SCAPER: variants seen among roughly 807,000 people sequenced by gnomAD.
The protein encoded by SCAPER is S phase cyclin A-associated protein in the endoplasmic reticulum.
A neutral mutation model predicts 182.2 loss-of-function variants in SCAPER; 98 were observed. The observed-to-expected ratio is 0.54, with a 90% CI of 0.46 to 0.64. SCAPER has a LOEUF of 0.64. Among genes scored for constraint, SCAPER ranks in the 30% least tolerant of loss-of-function variants. The pLI is 0.00. For synonymous variants in SCAPER, 605 were observed against 564.6 expected, an observed-to-expected ratio of 1.07 and a Z score of -1.01; for missense variants, 1,432 against 1,690.0, an observed-to-expected ratio of 0.85 and a Z score of 2.68.
intron 24 of SCAPER, among the ~76,000 whole-genome samples, chr15:76,481,242 A>G (rs886117899): frequency 7.9e-5 from 12 of 152,366 alleles, no homozygotes; most frequent in African/African-American, 2.6e-4. Context: ...GATTGTGGCT[A>G]AATTGCTTTA....
At chr15:76,460,087 AT>A (rs571769499) in intron 25 of SCAPER, among the ~76,000 whole-genome samples, 1 of 151,244 alleles carries the variant, frequency 6.6e-6, no homozygotes, top group African/African-American at 2.4e-5. Context: ...GTAATATATG[AT>A]TTTTTTTCTG....
chr15:76,692,871 A>G (rs1241824691), intron 20 of SCAPER, among the ~76,000 whole-genome samples: 1 of 152,054 alleles, frequency 6.6e-6, no homozygotes, highest in Non-Finnish European at 1.5e-5. Flanking sequence ...ATAAAACCAA[A>G]ATTCAAATTT....
At chr15:76,798,087 C>G (rs1281733909) in intron 7 of SCAPER, among the ~76,000 whole-genome samples, 3 of 152,114 alleles carry the variant, frequency 2.0e-5, no homozygotes, top group African/African-American at 7.2e-5. Context: ...TGGCCAGGCA[C>G]AGTAGCTTGT....
At chr15:76,456,165 G>C (rs758693127) in intron 25 of SCAPER, among the ~76,000 whole-genome samples, 1 of 152,124 alleles carries the variant, frequency 6.6e-6, no homozygotes, top group African/African-American at 2.4e-5. Context: ...AATGATTTAT[G>C]ATCCTTGGGT....
At chr15:76,397,851 A>T (rs2044190024) in intron 27 of SCAPER, among the ~76,000 whole-genome samples, 1 of 152,100 alleles carries the variant, frequency 6.6e-6, no homozygotes, top group Admixed American at 6.6e-5. Context: ...TTCATGTTTG[A>T]ATCTTGGTAG....
intron 22 of SCAPER, among the ~76,000 whole-genome samples, chr15:76,616,810 C>CGT (rs1159956273): frequency 6.6e-6 from 1 of 152,098 alleles, no homozygotes; most frequent in African/African-American, 2.4e-5. Flanking sequence ...TTTTGGGCCT[C>CGT]TATCATTTTA....
intron 26 of SCAPER, 99 bp downstream of exon 26, chr15:76,433,979 T>G (rs16968215): frequency 0.072 from 68,147 of 946,734 alleles, 2,741 homozygotes; most frequent in Middle Eastern, 0.12. Flanking sequence ...GTGAATGGCA[T>G]TGTGAGAACC....
chr15:76,881,324 G>A (rs542088268), intron 2 of SCAPER, among the ~76,000 whole-genome samples: 1 of 152,198 alleles, frequency 6.6e-6, no homozygotes, highest in Non-Finnish European at 1.5e-5. Flanking sequence ...TCAAACTCCT[G>A]ACCTCAAGTG....
intron 22 of SCAPER, among the ~76,000 whole-genome samples, chr15:76,610,614 C>A (rs1483284643): frequency 6.6e-6 from 1 of 152,052 alleles, no homozygotes; most frequent in African/African-American, 2.4e-5. Flanking sequence ...ATACAAAAGT[C>A]ACTAAGATTT....
chr15:76,745,899 T>C (rs1176229475), intron 15 of SCAPER, among the ~76,000 whole-genome samples: 2 of 152,194 alleles, frequency 1.3e-5, no homozygotes, highest in Non-Finnish European at 2.9e-5. Flanking sequence ...TGATCATCAA[T>C]AATCTACCTT....
intron 21 of SCAPER, among the ~76,000 whole-genome samples, chr15:76,659,432 GCTAA>G (rs946799815): frequency 5.3e-5 from 8 of 152,240 alleles, no homozygotes; most frequent in African/African-American, 1.9e-4. Flanking sequence ...ACTATGCACT[GCTAA>G]CTTTTTCATT....
chr15:76,402,113 T>G (rs1341193035), intron 27 of SCAPER, among the ~76,000 whole-genome samples: 1 of 151,718 alleles, frequency 6.6e-6, no homozygotes, highest in African/African-American at 2.4e-5. Flanking sequence ...GGCGACAGAG[T>G]GAGTAAGATT....
chr15:76,900,104 G>A lies in SCAPER; in HGVS notation c.-60+5195C>T, dbSNP rs1158167686. Reference sequence around the variant, plus strand: ...CAGGGTTAAATGGATTAAGGGCGGCGCAAGATGTGCTTTGTTAAACAGATG... The same window carrying A: ...CAGGGTTAAATGGATTAAGGGCGGCACAAGATGTGCTTTGTTAAACAGATG... On this transcript the variant is annotated intron_variant, in intron 1 of 31. Transcript: ENST00000563290. Among the ~76,000 whole-genome samples, 11 of 152,224 alleles carry A rather than the reference G, an allele frequency of 7.2e-5. No homozygotes were observed. In the South Asian group the frequency reaches 1.7e-3, roughly 23 times the overall value.
At chr15:76,577,000 C>G (rs1401963529) in intron 22 of SCAPER, 1 of 152,180 alleles carries the variant, frequency 6.6e-6, no homozygotes, top group African/African-American at 2.4e-5. Flanking sequence ...TTGTGCTGGG[C>G]TCGGAGCCAG....
chr15:76,455,886 C>T (rs1385441089), intron 25 of SCAPER, among the ~76,000 whole-genome samples: 1 of 152,148 alleles, frequency 6.6e-6, no homozygotes, highest in African/African-American at 2.4e-5. Flanking sequence ...CATGTAATCT[C>T]ATTGTTCAAC....
At chr15:76,515,717 G>A (rs182545353) in intron 23 of SCAPER, among the ~76,000 whole-genome samples, 3 of 152,106 alleles carry the variant, frequency 2.0e-5, no homozygotes, top group African/African-American at 4.8e-5. Context: ...TATAGTATCT[G>A]TTTACTTCAT....
At chr15:76,591,488 G>T (rs1382863504) in intron 22 of SCAPER, among the ~76,000 whole-genome samples, 1 of 152,114 alleles carries the variant, frequency 6.6e-6, no homozygotes, top group African/African-American at 2.4e-5. Context: ...TTGAGACAGG[G>T]TCTCGCTCTG....
At position 76,371,928 on chromosome 15, in the gene SCAPER, AT is replaced by A. The variant is rs200922803; in HGVS notation, c.3855+4233del. Among the ~76,000 whole-genome samples the A allele has an allele frequency of 1.7e-4, 26 of 151,876 alleles. No individual in the cohort carries two copies. The East Asian group carries it at 1.8e-3, about 10-fold the overall frequency. ...AGCGAAACTCTGTCTCAAAAAAAAA[AT>A]AAATAAATATTATGCTTAGAAATAT... On this transcript the variant is annotated intron_variant, in intron 29 of 31. Transcript: ENST00000563290.
intron 15 of SCAPER, among the ~76,000 whole-genome samples, chr15:76,752,114 A>G (rs983515316): frequency 1.3e-5 from 2 of 151,912 alleles, no homozygotes; most frequent in Non-Finnish European, 3.0e-5. Context: ...CAAATGGCCA[A>G]TAAGCACATG....
Sources: gnomAD v4.1 joint callset for allele counts (sites outside exome capture counted in the v4.1 genomes callset) on GRCh38, gnomAD v4.1.1 for gene constraint, MANE v1.5 for transcripts, NCBI Gene and HGNC (gene_info 2026-07-23, HGNC 2026-07-21) for gene names.